ALOX15B: variants seen among roughly 807,000 people sequenced by gnomAD.
The protein encoded by ALOX15B is polyunsaturated fatty acid lipoxygenase ALOX15B.
In ALOX15B, 74 loss-of-function variants were observed where a neutral mutation model predicts 73.8. The observed-to-expected ratio is 1.00, with a 90% CI of 0.83 to 1.22. ALOX15B has a LOEUF of 1.22. ALOX15B is among the 50% of genes most tolerant of loss of function. The pLI is 0.00. For missense variants in ALOX15B, 896 were observed against 859.9 expected, an observed-to-expected ratio of 1.04 and a Z score of -0.52; for synonymous variants, 353 against 357.2, an observed-to-expected ratio of 0.99 and a Z score of 0.13.
chr17:8,046,879 T>A, intron 9 of ALOX15B, 28 bp from the exon 10 acceptor site: 1 of 1,613,518 alleles, frequency 6.2e-7, no homozygotes, highest in African/African-American at 1.3e-5. Flanking sequence ...GAGCAAGGTC[T>A]GTAGGACCCA....
intron 3 of ALOX15B, among the ~76,000 whole-genome samples, chr17:8,040,601 G>GAGAAAGAAGAA (rs1555638443): frequency 9.1e-6 from 1 of 109,462 alleles, no homozygotes; most frequent in African/African-American, 3.7e-5. Flanking sequence ...AAGAAAGAGA[G>GAGAAAGAAGAA]AGAAAGAAAG....
chr17:8,040,583 A>G (rs1189712216), intron 3 of ALOX15B, among the ~76,000 whole-genome samples: 19 of 121,918 alleles, frequency 1.6e-4, no homozygotes, highest in African/African-American at 6.0e-4. Flanking sequence ...AAAGGAAGGA[A>G]AGAGAGAAAG....
intron 3 of ALOX15B, among the ~76,000 whole-genome samples, chr17:8,040,639 G>GAAAGAAAGAAAGAAAGAAAGAAAGAAAGA: frequency 7.5e-6 from 1 of 132,606 alleles, no homozygotes; most frequent in East Asian, 2.3e-4. Flanking sequence ...AAGAAAGAAA[G>GAAAGAAAGAAAGAAAGAAAGAAAGAAAGA]AAAGAAAGAA....
rs1976618849 is a variant in ALOX15B at position 8,046,725 on chromosome 17, C to T, written c.1258C>T (p.Leu420Phe). 6.2e-7 allele frequency: 1 copy of T among 1,613,880 alleles called. No individual in the cohort carries two copies. Among genetic ancestry groups the T allele is most frequent in the Admixed American group, 1.7e-5 (1 of 59,998 alleles). ...LHINTLAREL[L>F]IVPGQVVDRS... ...CATCAACACACTCGCCCGGGAGCTG[C>T]TTATCGTGCCAGGGCAGGTGGTGGA... Residue 420 changes from leucine (L) to phenylalanine (F), a missense_variant, in exon 9 of 14, where the codon CTT (leucine) becomes TTT (phenylalanine). Coordinates refer to ENST00000380183, the MANE Select transcript of ALOX15B (RefSeq NM_001141.3).
At chr17:8,041,838 G>A (rs1251710709) in intron 3 of ALOX15B, among the ~76,000 whole-genome samples, 2 of 152,178 alleles carry the variant, frequency 1.3e-5, no homozygotes, top group East Asian at 1.9e-4. Context: ...AACCTTCTGC[G>A]CAGCCCCTGT....
intron 6 of ALOX15B, 91 bp from the exon 7 acceptor site, chr17:8,045,147 C>T (rs2151813984): frequency 1.9e-6 from 3 of 1,599,428 alleles, no homozygotes; most frequent in Non-Finnish European, 1.7e-6. Context: ...AAACACACTC[C>T]TCTCCCAGCC....
Position 8,042,780 on chromosome 17 carries a change from G to A in ALOX15B, c.573-1G>A, listed in dbSNP as rs1190328546. ...TCCCCACCCCTCACATCCCCTGGCA[G>A]TTTTGCAGAGATGAAAATCAAGGGG... On this transcript the variant is annotated splice_acceptor_variant, in intron 4 of 13. Transcript: ENST00000380183. LOFTEE classifies it high-confidence loss of function. The A allele has an allele frequency of 6.4e-7, 1 of 1,555,374 alleles. No homozygotes were observed. The highest frequency in any genetic ancestry group is 2.4e-5 in the East Asian group (1 of 41,926).
intron 6 of ALOX15B, 105 bp downstream of exon 6, chr17:8,045,106 C>A: frequency 6.3e-7 from 1 of 1,583,266 alleles, no homozygotes. Context: ...TAGGGACCTA[C>A]CGCGTGCTGC....
intron 5 of ALOX15B, 98 bp downstream of exon 5, chr17:8,042,982 A>C: frequency 1.0e-6 from 1 of 955,792 alleles, no homozygotes; most frequent in South Asian, 1.5e-5. Flanking sequence ...TTTGCTATGT[A>C]ACCCTGATCA....
chr17:8,039,472 G>A lies in ALOX15B; in HGVS notation c.234G>A (p.Leu78=). Reference sequence around the variant, plus strand: ...ACAAGGCGCCCCCAGTGCTGCCCCTGCTGGGGCCCCTGGCCCCGGATGCCT... The same window carrying A: ...ACAAGGCGCCCCCAGTGCTGCCCCTACTGGGGCCCCTGGCCCCGGATGCCT... The part of the protein sequence containing the change: ...RVHKAPPVLP[L]LGPLAPDAWF... Residue 78 remains leucine (L), a synonymous_variant, in exon 2 of 14, where the codon CTG becomes CTA. Transcript: ENST00000380183. The A allele has an allele frequency of 6.3e-7, 1 of 1,598,964 alleles. No homozygotes were observed. The highest frequency in any genetic ancestry group is 8.5e-7 in the Non-Finnish European group (1 of 1,174,322).
chr17:8,039,685 G>A (rs1179292050), intron 2 of ALOX15B, 80 bp downstream of exon 2: 67 of 1,357,352 alleles, frequency 4.9e-5, no homozygotes, highest in Non-Finnish European at 6.4e-5. Flanking sequence ...AAGGGCAGGT[G>A]AAATGGAGAG....
At position 8,047,509 on chromosome 17, in the gene ALOX15B, G is replaced by A. The variant is rs900798901; in HGVS notation, c.1580-55G>A. 21 of 1,541,610 alleles carry A rather than the reference G, an allele frequency of 1.4e-5. No homozygotes were observed. The South Asian group carries it at 1.4e-4, about 10-fold the overall frequency. On this transcript the variant is annotated intron_variant, in intron 11 of 13. Transcript: ENST00000380183. ...CCTCAAGGCTCACCCTCAAGCCTCC[G>A]CAGCAGGGTCCTCAGGTCCCTGGAA...
intron 11 of ALOX15B, 56 bp downstream of exon 11, chr17:8,047,435 AC>A: frequency 1.9e-6 from 3 of 1,569,612 alleles, no homozygotes; most frequent in South Asian, 2.2e-5. Flanking sequence ...CGTGTCCCCC[AC>A]CCCCTGCAGA....
chr17:8,048,456 A>T lies in ALOX15B; in HGVS notation c.1922A>T (p.Gln641Leu), dbSNP rs145203488. ...CCTCGGCGGAGCATCGCCACCTTCC[A>T]GAGCCGCCTGGCCCAGATCTCGAGG... ...EAPRRSIATF[Q>L]SRLAQISRGI... Residue 641 changes from glutamine to leucine, a missense_variant, in exon 14 of 14, where the codon CAG (glutamine) becomes CTG (leucine). Transcript: ENST00000380183. The T allele has an allele frequency of 6.2e-7, 1 of 1,613,982 alleles. No individual in the cohort carries two copies. Among genetic ancestry groups the T allele is most frequent in the Non-Finnish European group, 8.5e-7 (1 of 1,180,030 alleles).
At chr17:8,042,287 C>T (rs1976482867) in intron 3 of ALOX15B, 82 bp from the exon 4 acceptor site, 2 of 1,549,844 alleles carry the variant, frequency 1.3e-6, no homozygotes, top group African/African-American at 1.4e-5. Context: ...CCAGGCCCCC[C>T]AAGGGGACTG....
chr17:8,048,114 A>T (rs758166331), intron 13 of ALOX15B, among the ~76,000 whole-genome samples, 199 bp downstream of exon 13: 10 of 152,220 alleles, frequency 6.6e-5, no homozygotes, highest in Admixed American at 3.9e-4. Context: ...AGCCACTCTC[A>T]GTAGCAAGGG....
intron 6 of ALOX15B, 48 bp from the exon 7 acceptor site, chr17:8,045,190 T>C: frequency 1.2e-6 from 2 of 1,612,786 alleles, no homozygotes; most frequent in Non-Finnish European, 1.7e-6. Context: ...CTGCACCCCC[T>C]TCATTTAGAA....
intron 5 of ALOX15B, among the ~76,000 whole-genome samples, chr17:8,044,319 G>A (rs1976544802): frequency 6.6e-6 from 1 of 151,786 alleles, no homozygotes; most frequent in African/African-American, 2.4e-5. Flanking sequence ...CTACTTGGGA[G>A]GCTGAGGCAG....
Position 8,039,489 on chromosome 17 carries a change from CG to C in ALOX15B, c.253del (p.Asp85MetfsTer10). 2.5e-6 allele frequency: 4 copies of C among 1,583,226 alleles called. No homozygotes were observed. Among genetic ancestry groups the C allele is most frequent in the Non-Finnish European group, 3.4e-6 (4 of 1,166,920 alleles). ...CTGCCCCTGCTGGGGCCCCTGGCCC[CG>C]GATGCCTGGTTCTGCCGCTGGTTCC... ...PVLPLLGPLAPDAWFCRWFQL... is the reference protein window; with the variant it reads ...PVLPLLGPLAXDAWFCRWFQL... On this transcript the variant is annotated frameshift_variant, in exon 2 of 14. Transcript: ENST00000380183. LOFTEE classifies it high-confidence loss of function.
Sources: allele counts gnomAD v4.1 joint callset (sites outside exome capture counted in the v4.1 genomes callset), GRCh38; gene constraint gnomAD v4.1.1; transcripts MANE v1.5; gene names NCBI Gene and HGNC (gene_info 2026-07-23, HGNC 2026-07-21).